The following PCDHGA4 variants were observed in gnomAD, a reference collection of about 807,000 sequenced individuals.
The protein encoded by PCDHGA4 is protocadherin gamma subfamily A, 4.
In PCDHGA4, 38 loss-of-function variants were observed where a neutral mutation model predicts 54.6. That is an observed-to-expected ratio of 0.70 (90% CI 0.54 to 0.91). The LOEUF (loss-of-function observed/expected upper bound fraction) is 0.91. PCDHGA4 is among the 40% of genes least tolerant of loss of function. The pLI is 0.00. For missense variants in PCDHGA4, 1,298 were observed against 1,220.9 expected (o/e 1.06, Z -0.94); for synonymous variants, 511 against 512.9 (o/e 1.00, Z 0.05).
intron 1 of PCDHGA4, among the ~76,000 whole-genome samples, chr5:141,406,301 A>C (rs1447923303): frequency 6.6e-6 from 1 of 151,966 alleles, no homozygotes; most frequent in Non-Finnish European, 1.5e-5. Context: ...TGAGGTGTGA[A>C]CCACCTCACC....
At position 141,485,566 on chromosome 5, in the gene PCDHGA4, C is replaced by T. The variant is rs768144422; in HGVS notation, c.2515-9241C>T. The T allele has an allele frequency of 6.2e-7, 1 of 1,612,926 alleles. No homozygotes were observed. Among genetic ancestry groups the T allele is most frequent in the African/African-American group, 1.3e-5 (1 of 75,016 alleles). ...TCGTAGATGTGAATGATCACGCCCC[C>T]CGTTTTCCGCGGCAGCAGCTGGACT... On this transcript the variant is annotated intron_variant, in intron 1 of 3. Transcript: ENST00000571252. The surrounding 1 kb of genome is among the most constrained non-coding windows in gnomAD (Gnocchi z 5.7).
At chr5:141,427,401 G>A (rs2097022075) in intron 1 of PCDHGA4, 1 of 461,400 alleles carries the variant, frequency 2.2e-6, no homozygotes, top group Non-Finnish European at 4.3e-6. Flanking sequence ...ACATGATAAA[G>A]ATTCGAGAGA....
chr5:141,418,424 G>A lies in PCDHGA4; in HGVS notation c.2514+60803G>A, dbSNP rs1427064246. Reference sequence around the variant, plus strand: ...GGTGGAGAAAGACAATCCTGATGGTGGCAAATATCCAGAATTAGTATTGCA... The same window carrying A: ...GGTGGAGAAAGACAATCCTGATGGTAGCAAATATCCAGAATTAGTATTGCA... On this transcript the variant is annotated intron_variant, in intron 1 of 3. Coordinates refer to ENST00000571252, the MANE Select transcript of PCDHGA4 (RefSeq NM_018917.4). 1 of 1,613,974 alleles carries A rather than the reference G, an allele frequency of 6.2e-7. No individual in the cohort carries two copies. Among genetic ancestry groups the A allele is most frequent in the Non-Finnish European group, 8.5e-7 (1 of 1,179,872 alleles).
At chr5:141,465,284 A>C (rs2099100147) in intron 1 of PCDHGA4, among the ~76,000 whole-genome samples, 1 of 152,176 alleles carries the variant, frequency 6.6e-6, no homozygotes, top group African/African-American at 2.4e-5. Flanking sequence ...TTCACCCCTA[A>C]AGAACTGAGA....
In PCDHGA4 at chr5:141,477,491, C is replaced by T; in HGVS notation, c.2515-17316C>T. 1 of 1,614,154 alleles carries T rather than the reference C, an allele frequency of 6.2e-7. No homozygotes were observed. The highest frequency in any genetic ancestry group is 8.5e-7 in the Non-Finnish European group (1 of 1,180,022). On this transcript the variant is annotated intron_variant, in intron 1 of 3. Coordinates refer to ENST00000571252, the MANE Select transcript of PCDHGA4 (RefSeq NM_018917.4). The surrounding 1 kb of genome is among the most constrained non-coding windows in gnomAD (Gnocchi z 4.9). ...CAATGACAACCCTCCACAATCTTCT[C>T]AATCTTCCTACGACGTTTACATTGA...
At chr5:141,362,336 A>T in intron 1 of PCDHGA4, 1 of 1,614,052 alleles carries the variant, frequency 6.2e-7, no homozygotes, top group Non-Finnish European at 8.5e-7. Context: ...CTCAGCTCCA[A>T]GCCTGGACCT....
intron 1 of PCDHGA4, chr5:141,375,637 C>G (rs1331644453): frequency 1.2e-6 from 2 of 1,614,238 alleles, no homozygotes; most frequent in South Asian, 2.2e-5. Context: ...ACGCCCTGCG[C>G]TCCTTCGACT....
chr5:141,490,576 G>T lies in PCDHGA4; in HGVS notation c.2515-4231G>T. On this transcript the variant is annotated intron_variant, in intron 1 of 3. Transcript: ENST00000571252. The surrounding 1 kb of genome is among the most constrained non-coding windows in gnomAD (Gnocchi z 5.4). ...TCTCACCATCAGGCTCAACATTTCA[G>T]ATGTCAATGACAATGCACCCCGCTT... 2.5e-6 allele frequency: 4 copies of T among 1,614,134 alleles called. No homozygotes were observed. The highest frequency in any genetic ancestry group is 3.4e-6 in the Non-Finnish European group (4 of 1,180,030).
chr5:141,374,117 G>C, intron 1 of PCDHGA4: 2 of 1,587,566 alleles, frequency 1.3e-6, no homozygotes, highest in Non-Finnish European at 1.7e-6. Context: ...GCAGCGCAGC[G>C]AGCAGGTCCT....
intron 1 of PCDHGA4, chr5:141,399,270 A>G (rs1318152877): frequency 1.2e-6 from 2 of 1,613,854 alleles, no homozygotes; most frequent in African/African-American, 1.3e-5. Flanking sequence ...TTAATTGTCA[A>G]TTACAAGGCG....
At position 141,491,904 on chromosome 5, in the gene PCDHGA4, G is replaced by C; in HGVS notation, c.2515-2903G>C. The C allele has an allele frequency of 7.0e-7, 1 of 1,423,838 alleles. No individual in the cohort carries two copies. The allele number at this position is 1,423,838 out of a possible 1,614,324, so 88.2% of individuals were successfully genotyped here. ...GGATGGGGCTCCGAGCACCGGGGGT[G>C]GTGGCGACTGTGGGCGAGGGGAGGT... On this transcript the variant is annotated intron_variant, in intron 1 of 3. Coordinates refer to ENST00000571252, the MANE Select transcript of PCDHGA4 (RefSeq NM_018917.4). This position sits in a 1 kb window ranked among gnomAD's most constrained non-coding sequence, Gnocchi z 6.9.
chr5:141,390,518 T>C (rs1045172175), intron 1 of PCDHGA4: 28 of 570,804 alleles, frequency 4.9e-5, no homozygotes, highest in Middle Eastern at 4.8e-4. Context: ...TATAAAGCAA[T>C]GAGGGTGTGG....
chr5:141,356,957 A>G lies in PCDHGA4; in HGVS notation c.1850A>G (p.Tyr617Cys), dbSNP rs773071965. The G allele has an allele frequency of 4.3e-6, 7 of 1,614,206 alleles. No individual in the cohort carries two copies. Among genetic ancestry groups the G allele is most frequent in the Non-Finnish European group, 5.9e-6 (7 of 1,180,042 alleles). Residue 617 changes from tyrosine (Y) to cysteine (C), a missense_variant, in exon 1 of 4, where the codon TAC becomes TGC. Transcript: ENST00000571252. Reference protein sequence around the residue: ...ELAPRSADSGYLVTKVVAVDR... With the variant: ...ELAPRSADSGCLVTKVVAVDR... ...GCACCCCGCTCCGCAGATTCCGGCTACCTGGTGACCAAAGTGGTGGCAGTG... is the reference window on the plus strand; with the variant it reads ...GCACCCCGCTCCGCAGATTCCGGCTGCCTGGTGACCAAAGTGGTGGCAGTG...
intron 1 of PCDHGA4, chr5:141,410,801 A>G (rs2095424401): frequency 3.4e-6 from 2 of 587,942 alleles, no homozygotes; most frequent in Admixed American, 4.2e-5. Context: ...AAGTTGCTCT[A>G]TCTTTTTGTA....
intron 1 of PCDHGA4, among the ~76,000 whole-genome samples, chr5:141,407,049 C>T (rs1483952329): frequency 6.6e-6 from 1 of 152,162 alleles, no homozygotes. Context: ...TCCATAGATA[C>T]ACTGATGACT....
chr5:141,357,295 G>T lies in PCDHGA4; in HGVS notation c.2188G>T (p.Ala730Ser), dbSNP rs774772455. The change falls in exon 1 of 4, where the codon GCT (alanine) becomes TCT (serine). Residue 730 changes from alanine to serine, a missense_variant. Coordinates refer to ENST00000571252, the MANE Select transcript of PCDHGA4 (RefSeq NM_018917.4). Reference sequence around the variant, plus strand: ...ACTCTATCTCGTGGTGGCAGTGGCCGCTGTCTCCTGCGTCTTCCTGGCTTT... The same window carrying T: ...ACTCTATCTCGTGGTGGCAGTGGCCTCTGTCTCCTGCGTCTTCCTGGCTTT... The part of the protein sequence containing the change: ...LTLYLVVAVA[A>S]VSCVFLAFVT... The T allele has an allele frequency of 6.2e-7, 1 of 1,613,930 alleles. No homozygotes were observed. Among genetic ancestry groups the T allele is most frequent in the South Asian group, 1.1e-5 (1 of 91,086 alleles).
chr5:141,374,658 C>T (rs760635815), intron 1 of PCDHGA4: 1 of 1,611,764 alleles, frequency 6.2e-7, no homozygotes, highest in Non-Finnish European at 8.5e-7. Flanking sequence ...CCCAAGTACC[C>T]GGAGCTGGTG....
At chr5:141,389,412 G>C (rs1039259671) in intron 1 of PCDHGA4, 21 of 1,613,470 alleles carry the variant, frequency 1.3e-5, no homozygotes, top group Non-Finnish European at 1.3e-5. Flanking sequence ...CGCGGAGAGC[G>C]GGGTGGTGTT....
At chr5:141,384,215 T>C in intron 1 of PCDHGA4, 1 of 1,613,862 alleles carries the variant, frequency 6.2e-7, no homozygotes, top group Non-Finnish European at 8.5e-7. Flanking sequence ...ACTCACATAT[T>C]CATGCAGGTG....
Sources: allele counts gnomAD v4.1 joint callset (sites outside exome capture counted in the v4.1 genomes callset), GRCh38; gene constraint gnomAD v4.1.1; non-coding constraint Gnocchi (gnomAD v3.1); transcripts MANE v1.5; gene names NCBI Gene and HGNC (gene_info 2026-07-23, HGNC 2026-07-21).